The following BICC1 variants were observed in gnomAD, a reference collection of about 807,000 sequenced individuals.
BICC1 encodes the protein BicC family RNA binding protein 1.
In BICC1, 43 loss-of-function variants were observed where a neutral mutation model predicts 111.0. That is an observed-to-expected ratio of 0.39 (90% CI 0.30 to 0.50). The LOEUF is 0.50. BICC1 is among the 20% of genes least tolerant of loss of function. BICC1 has a pLI of 0.88. For missense variants in BICC1, 1,091 were observed against 1,203.2 expected (o/e 0.91, Z 1.38); for synonymous variants, 467 against 434.4 (o/e 1.07, Z -0.93).
At chr10:58,539,687 TA>T (rs1239481140) in intron 1 of BICC1, among the ~76,000 whole-genome samples, 1 of 151,842 alleles carries the variant, frequency 6.6e-6, no homozygotes, top group Non-Finnish European at 1.5e-5. Flanking sequence ...AATAGTAACA[TA>T]ATAATAATAG....
chr10:58,522,196 A>G (rs559147478), intron 1 of BICC1, among the ~76,000 whole-genome samples: 11 of 151,954 alleles, frequency 7.2e-5, no homozygotes, highest in African/African-American at 2.2e-4. Flanking sequence ...TAGGCTCACA[A>G]TGCATTTGGT....
chr10:58,800,824 A>C (rs1309068680), intron 13 of BICC1, 66 bp from the exon 14 acceptor site: 1 of 1,455,982 alleles, frequency 6.9e-7, no homozygotes, highest in Non-Finnish European at 9.3e-7. Context: ...TTTCCATTGC[A>C]GATAATTGTC....
chr10:58,773,835 A>G (rs1431616885), intron 3 of BICC1, among the ~76,000 whole-genome samples: 2 of 152,220 alleles, frequency 1.3e-5, no homozygotes, highest in Admixed American at 6.5e-5. Context: ...TTTATTGCTT[A>G]ACGTTAATAG....
At chr10:58,765,186 A>G (rs1842423690) in intron 3 of BICC1, among the ~76,000 whole-genome samples, 1 of 151,754 alleles carries the variant, frequency 6.6e-6, no homozygotes, top group Non-Finnish European at 1.5e-5. Flanking sequence ...CGTTCAAGCA[A>G]TTTTTGTGCT....
chr10:58,738,610 T>G (rs574780579), intron 3 of BICC1, among the ~76,000 whole-genome samples: 2 of 146,852 alleles, frequency 1.4e-5, no homozygotes, highest in East Asian at 4.1e-4. Context: ...AGTAGTTTTT[T>G]CCAATTCTGT....
intron 3 of BICC1, 94 bp downstream of exon 3, chr10:58,702,237 T>A: frequency 2.2e-6 from 2 of 898,666 alleles, no homozygotes; most frequent in Non-Finnish European, 1.7e-6. Context: ...CCTTTATTCT[T>A]AACACTTTTG....
chr10:58,523,697 T>G (rs529257558), intron 1 of BICC1, among the ~76,000 whole-genome samples: 22 of 152,244 alleles, frequency 1.4e-4, no homozygotes, highest in Admixed American at 1.4e-3. Context: ...TTGGAAGTTC[T>G]GGCCAGGGCA....
At position 58,796,621 on chromosome 10, in the gene BICC1, A is replaced by ATT. The variant is rs199857522; in HGVS notation, c.1366+103_1366+104dup. ...CCATTCGGGTCTACATTTAAAGGCT[A>ATT]TTTTTTTTTCCTTTGGGCTCTAAGA... On this transcript the variant is annotated intron_variant, in intron 10 of 20. Coordinates refer to ENST00000373886, the MANE Select transcript of BICC1 (RefSeq NM_001080512.3). 2.0e-5 allele frequency: 24 copies of ATT among 1,202,896 alleles called. No homozygotes were observed. The African/African-American group carries it at 2.8e-4, about 14-fold the overall frequency. The allele number at this position is 1,202,896 out of a possible 1,614,324, so 74.5% of individuals were successfully genotyped here.
Position 58,513,121 on chromosome 10 carries a change from A to G in BICC1, c.-23A>G, listed in dbSNP as rs1479973347. The G allele has an allele frequency of 6.4e-6, 9 of 1,398,000 alleles. No individual in the cohort carries two copies. The highest frequency in any genetic ancestry group is 8.3e-6 in the Non-Finnish European group (9 of 1,079,450). 86.6% of individuals were successfully genotyped at this position (1,398,000 alleles called of 1,614,324 possible). ...CAGGCAGAGCGGCGGCGGCAGCGGG[A>G]GCCCGAGCGCTGCGCGCCCACCATG... On this transcript the variant is annotated 5_prime_UTR_variant, in exon 1 of 21. Coordinates refer to ENST00000373886, the MANE Select transcript of BICC1 (RefSeq NM_001080512.3).
At chr10:58,579,547 C>G (rs971972553) in intron 1 of BICC1, among the ~76,000 whole-genome samples, 7 of 152,178 alleles carry the variant, frequency 4.6e-5, no homozygotes, top group Non-Finnish European at 8.8e-5. Context: ...CTCACTAGCT[C>G]TGATTTTACA....
At chr10:58,552,803 A>C (rs1843331209) in intron 1 of BICC1, among the ~76,000 whole-genome samples, 1 of 152,146 alleles carries the variant, frequency 6.6e-6, no homozygotes, top group African/African-American at 2.4e-5. Flanking sequence ...ATATCTTCAG[A>C]TCTCAACAGT....
intron 17 of BICC1, 79 bp downstream of exon 17, chr10:58,807,237 CT>C (rs1389240481): frequency 2.2e-6 from 3 of 1,353,106 alleles, no homozygotes; most frequent in Non-Finnish European, 3.0e-6. Context: ...CACCCTCATT[CT>C]TTATGTACCT....
In BICC1 at chr10:58,828,900, T is replaced by C. The variant is rs1844478078; in HGVS notation, c.*9T>C. 1.2e-6 allele frequency: 2 copies of C among 1,613,596 alleles called. No homozygotes were observed. The highest frequency in any genetic ancestry group is 4.5e-5 in the East Asian group (2 of 44,848). On this transcript the variant is annotated 3_prime_UTR_variant, in exon 21 of 21. Transcript: ENST00000373886. ...TCAGTGGCCGCTGGTAGCAGCACCCTCTTGGCACATGCCCGCTGACTAACT... is the reference window on the plus strand; with the variant it reads ...TCAGTGGCCGCTGGTAGCAGCACCCCCTTGGCACATGCCCGCTGACTAACT...
intron 10 of BICC1, among the ~76,000 whole-genome samples, chr10:58,796,783 TC>T (rs1432049904): frequency 6.6e-6 from 1 of 152,216 alleles, no homozygotes; most frequent in African/African-American, 2.4e-5. Context: ...CTGTGTTTGT[TC>T]TAAATTAAGA....
At chr10:58,674,423 C>A (rs1238951438) in intron 2 of BICC1, among the ~76,000 whole-genome samples, 1 of 152,084 alleles carries the variant, frequency 6.6e-6, no homozygotes, top group Admixed American at 6.5e-5. Context: ...TTTCTTTGGG[C>A]AAATGAGTAA....
chr10:58,826,809 G>C (rs1216850472), intron 20 of BICC1, among the ~76,000 whole-genome samples: 1 of 152,174 alleles, frequency 6.6e-6, no homozygotes, highest in Non-Finnish European at 1.5e-5. Flanking sequence ...GACAGGAAGG[G>C]ATAGGCTGAC....
At chr10:58,665,271 T>C (rs1259915276) in intron 2 of BICC1, among the ~76,000 whole-genome samples, 2 of 152,184 alleles carry the variant, frequency 1.3e-5, no homozygotes, top group African/African-American at 4.8e-5. Flanking sequence ...TCAATTTTAA[T>C]AGTATCTTGT....
intron 1 of BICC1, among the ~76,000 whole-genome samples, chr10:58,597,609 G>A (rs912194712): frequency 2.6e-5 from 4 of 152,076 alleles, no homozygotes; most frequent in Non-Finnish European, 4.4e-5. Context: ...TGAGGGTACT[G>A]CAGGAGACCA....
Position 58,532,575 on chromosome 10 carries a change from G to A in BICC1, c.190+19242G>A, listed in dbSNP as rs192783493. Among the ~76,000 whole-genome samples, 312 of 151,836 alleles carry A rather than the reference G, an allele frequency of 2.1e-3. 2 individuals carry two copies. Among genetic ancestry groups the A allele is most frequent in the African/African-American group, 7.1e-3 (293 of 41,462 alleles). On this transcript the variant is annotated intron_variant, in intron 1 of 20. Coordinates refer to ENST00000373886, the MANE Select transcript of BICC1 (RefSeq NM_001080512.3). Reference sequence around the variant, plus strand: ...TCATTTTAAGAAGGGACGAGATGATGATGAAGATGAGGCCCATGGCAGCAG... The same window carrying A: ...TCATTTTAAGAAGGGACGAGATGATAATGAAGATGAGGCCCATGGCAGCAG...
Sources: allele counts gnomAD v4.1 joint callset (sites outside exome capture counted in the v4.1 genomes callset), GRCh38; gene constraint gnomAD v4.1.1; transcripts MANE v1.5; gene names NCBI Gene and HGNC (gene_info 2026-07-23, HGNC 2026-07-21).